Variants in KCNK2 observed in about 807,000 individuals in gnomAD.
KCNK2 encodes the protein potassium channel subfamily K member 2.
A neutral mutation model predicts 40.5 loss-of-function variants in KCNK2; 21 were observed. The ratio of observed to expected loss-of-function variants is 0.52; its 90% confidence interval spans 0.37 to 0.75. The LOEUF is 0.75. Ranked by LOEUF, KCNK2 falls within the 30% of genes least tolerant of loss-of-function variation. The pLI is 0.00. For missense variants in KCNK2, 399 were observed against 531.6 expected (o/e 0.75, Z 2.45); for synonymous variants, 191 against 202.2 (o/e 0.94, Z 0.47).
At chr1:215,173,526 A>G (rs1558124765) in intron 5 of KCNK2, among the ~76,000 whole-genome samples, 1 of 152,166 alleles carries the variant, frequency 6.6e-6, no homozygotes, top group Non-Finnish European at 1.5e-5. Flanking sequence ...CTAGTTCTAG[A>G]TCCCTGAGGA....
At chr1:215,020,203 A>G (rs1160984024) in intron 1 of KCNK2, among the ~76,000 whole-genome samples, 1 of 151,970 alleles carries the variant, frequency 6.6e-6, no homozygotes. Context: ...TGTGCTGTGA[A>G]CTCTGTTAAT....
At chr1:215,162,354 C>A (rs533526701) in intron 3 of KCNK2, among the ~76,000 whole-genome samples, 1 of 152,158 alleles carries the variant, frequency 6.6e-6, no homozygotes, top group East Asian at 1.9e-4. Flanking sequence ...CCAAAATTTT[C>A]TCCCATTCTG....
chr1:215,111,240 C>G (rs1035408039), intron 2 of KCNK2, among the ~76,000 whole-genome samples: 5 of 151,994 alleles, frequency 3.3e-5, no homozygotes, highest in African/African-American at 1.2e-4. Flanking sequence ...AGTTGCTCTA[C>G]CTAGGATTTC....
At chr1:215,197,965 C>T (rs1405783824) in intron 6 of KCNK2, among the ~76,000 whole-genome samples, 1 of 151,882 alleles carries the variant, frequency 6.6e-6, no homozygotes, top group African/African-American at 2.4e-5. Context: ...CGCTACTGTA[C>T]TCCAGCCTGG....
chr1:215,202,453 T>G (rs1177849635), intron 6 of KCNK2, among the ~76,000 whole-genome samples: 1 of 152,194 alleles, frequency 6.6e-6, no homozygotes, highest in Non-Finnish European at 1.5e-5. Flanking sequence ...AGAATTAAAT[T>G]ATGCTTGAAG....
At chr1:215,080,309 G>A (rs1469602070), upstream of KCNK2, among the ~76,000 whole-genome samples, 2 of 152,144 alleles carry the variant, frequency 1.3e-5, no homozygotes, top group Non-Finnish European at 1.5e-5. Context: ...AAAACTCGGA[G>A]GGGGGAATGA....
chr1:215,230,478 TACAC>T (rs1160868753), intron 6 of KCNK2, among the ~76,000 whole-genome samples: 1,057 of 84,986 alleles, frequency 0.012, 25 homozygotes, highest in African/African-American at 0.046. Flanking sequence ...GATATATATA[TACAC>T]ACACACACAC....
intron 2 of KCNK2, among the ~76,000 whole-genome samples, chr1:215,115,500 G>A (rs1205572192): frequency 6.6e-6 from 1 of 151,992 alleles, no homozygotes; most frequent in Non-Finnish European, 1.5e-5. Context: ...TGGGCAACAT[G>A]GTACAAAAAT....
At chr1:215,203,355 CT>C (rs1665158458) in intron 6 of KCNK2, among the ~76,000 whole-genome samples, 1 of 152,064 alleles carries the variant, frequency 6.6e-6, no homozygotes, top group Non-Finnish European at 1.5e-5. Context: ...ATCCCTATTT[CT>C]TTTTTGGTAA....
chr1:215,094,754 GT>G (rs1240043717), intron 2 of KCNK2, among the ~76,000 whole-genome samples: 1 of 151,918 alleles, frequency 6.6e-6, no homozygotes, highest in Non-Finnish European at 1.5e-5. Flanking sequence ...AGATTAACAA[GT>G]TAATATTGGA....
chr1:215,127,989 C>A (rs34105068), intron 3 of KCNK2, among the ~76,000 whole-genome samples: 32,847 of 151,982 alleles, frequency 0.22, 4,902 homozygotes, highest in Non-Finnish European at 0.33. Flanking sequence ...AAATAAATTC[C>A]TTGACTTTAA....
At chr1:215,094,477 A>G (rs1168869022) in intron 2 of KCNK2, among the ~76,000 whole-genome samples, 1 of 152,076 alleles carries the variant, frequency 6.6e-6, no homozygotes, top group Admixed American at 6.6e-5. Flanking sequence ...TGGGCTACCA[A>G]ATGGGGATAT....
intron 2 of KCNK2, among the ~76,000 whole-genome samples, chr1:215,124,185 A>G (rs1026916133): frequency 1.6e-4 from 24 of 152,146 alleles, no homozygotes; most frequent in African/African-American, 5.8e-4. Flanking sequence ...GCCAACCCAG[A>G]CTTGGATCAT....
At chr1:215,166,673 A>C (rs1663461927) in intron 3 of KCNK2, among the ~76,000 whole-genome samples, 1 of 152,068 alleles carries the variant, frequency 6.6e-6, no homozygotes, top group African/African-American at 2.4e-5. Flanking sequence ...CCCCTCCTTC[A>C]CCAGCACTAC....
intron 2 of KCNK2, among the ~76,000 whole-genome samples, chr1:215,108,805 GGGAT>G (rs1660550618): frequency 6.7e-6 from 1 of 149,684 alleles, no homozygotes; most frequent in African/African-American, 2.5e-5. Context: ...TGTGTGGGGT[GGGAT>G]GGGTGGGTGG....
intron 6 of KCNK2, among the ~76,000 whole-genome samples, chr1:215,230,092 T>TATACACACACAC (rs1198375667): frequency 7.1e-6 from 1 of 141,258 alleles, no homozygotes; most frequent in Middle Eastern, 3.9e-3. Context: ...TGTGTGTGTA[T>TATACACACACAC]ACACACACAC....
At chr1:215,108,339 T>C (rs1181768013) in intron 2 of KCNK2, among the ~76,000 whole-genome samples, 1 of 152,186 alleles carries the variant, frequency 6.6e-6, no homozygotes, top group Non-Finnish European at 1.5e-5. Flanking sequence ...TCATTTTATA[T>C]AAGGCACTTG....
rs578170351 is a variant in KCNK2 at position 215,123,583 on chromosome 1, T to C, written c.358-1050T>C. ...TTTCAGCTATGGGTTACCTGTTCTT[T>C]TTCATGTGCCTGTGACTTCCTTGAG... is the stretch of plus-strand genomic sequence containing the variant. On this transcript the variant is annotated intron_variant, in intron 2 of 6. Transcript: ENST00000444842. Among the ~76,000 whole-genome samples the C allele has an allele frequency of 2.0e-5, 3 of 152,324 alleles. No homozygotes were observed. The South Asian group carries it at 6.2e-4, about 32-fold the overall frequency.
intron 1 of KCNK2, among the ~76,000 whole-genome samples, chr1:215,061,423 C>G (rs1658356865): frequency 6.6e-6 from 1 of 151,784 alleles, no homozygotes; most frequent in South Asian, 2.1e-4. Context: ...TTTCAATGTT[C>G]CTCTTAAAGG....
Sources: allele counts gnomAD v4.1 joint callset (sites outside exome capture counted in the v4.1 genomes callset), GRCh38; gene constraint gnomAD v4.1.1; transcripts MANE v1.5; gene names NCBI Gene and HGNC (gene_info 2026-07-23, HGNC 2026-07-21).